The following FEZ2 variants were observed in gnomAD, a reference collection of about 807,000 sequenced individuals.
FEZ2 encodes fasciculation and elongation protein zeta 2.
A neutral mutation model predicts 40.4 loss-of-function variants in FEZ2; 51 were observed. The ratio of observed to expected loss-of-function variants is 1.26; its 90% CI spans 1.01 to 1.59. The LOEUF is 1.59. FEZ2 is among the 40% of genes most tolerant of loss of function. The pLI is 0.00. For synonymous variants in FEZ2, 242 were observed against 172.0 expected, an observed-to-expected ratio of 1.41 and a Z score of -3.18; for missense variants, 640 against 438.3, an observed-to-expected ratio of 1.46 and a Z score of -4.11.
At chr2:36,597,494 G>T (rs1669260725) in intron 1 of FEZ2, among the ~76,000 whole-genome samples, 1 of 152,248 alleles carries the variant, frequency 6.6e-6, no homozygotes, top group Non-Finnish European at 1.5e-5. Flanking sequence ...AGCAGCGCCT[G>T]GCACTCAGCA....
At chr2:36,571,440 C>T (rs756192046) in intron 5 of FEZ2, among the ~76,000 whole-genome samples, 1 of 151,962 alleles carries the variant, frequency 6.6e-6, no homozygotes, top group Non-Finnish European at 1.5e-5. Flanking sequence ...GTGGGCGGAT[C>T]GCTTGAGGCC....
chr2:36,583,328 G>C (rs1014983793), intron 3 of FEZ2, 25 bp downstream of exon 3: 3 of 1,210,144 alleles, frequency 2.5e-6, no homozygotes, highest in Non-Finnish European at 3.7e-6. Context: ...TCCTTTCCTT[G>C]CGTTGCTGAG....
intron 1 of FEZ2, chr2:36,591,363 T>C (rs1284921661): frequency 1.6e-5 from 3 of 189,934 alleles, no homozygotes; most frequent in East Asian, 1.5e-4. Flanking sequence ...GGAACCATTA[T>C]TAACCTCATT....
At chr2:36,568,508 G>C (rs1275898609) in intron 5 of FEZ2, among the ~76,000 whole-genome samples, 3 of 152,156 alleles carry the variant, frequency 2.0e-5, no homozygotes, top group Non-Finnish European at 4.4e-5. Context: ...AATTCAAAGT[G>C]AAGAACTGGT....
chr2:36,579,318 T>C (rs1022918408), intron 4 of FEZ2, among the ~76,000 whole-genome samples: 8 of 152,210 alleles, frequency 5.3e-5, no homozygotes, highest in Admixed American at 3.3e-4. Context: ...TTAAACTAAA[T>C]ATACACTTAA....
intron 5 of FEZ2, among the ~76,000 whole-genome samples, chr2:36,578,338 G>GC (rs1668634655): frequency 6.6e-6 from 1 of 151,576 alleles, no homozygotes. Flanking sequence ...CTCCTTTTTT[G>GC]CCCCCTCTTC....
At chr2:36,566,020 G>A (rs1482434839) in intron 5 of FEZ2, among the ~76,000 whole-genome samples, 1 of 152,176 alleles carries the variant, frequency 6.6e-6, no homozygotes, top group Non-Finnish European at 1.5e-5. Context: ...CAACCCATGG[G>A]CAGCACATTC....
chr2:36,560,945 G>T, intron 5 of FEZ2: 1 of 821,428 alleles, frequency 1.2e-6, no homozygotes. Flanking sequence ...GTACCATGAT[G>T]ACTTATGTGC....
At chr2:36,573,845 A>C (rs919778281) in intron 5 of FEZ2, among the ~76,000 whole-genome samples, 7 of 152,248 alleles carry the variant, frequency 4.6e-5, no homozygotes, top group Non-Finnish European at 7.3e-5. Flanking sequence ...AAAGCTCTTA[A>C]TATCTCCTGT....
chr2:36,591,959 C>A (rs1669086097), intron 1 of FEZ2, among the ~76,000 whole-genome samples: 1 of 152,112 alleles, frequency 6.6e-6, no homozygotes, highest in African/African-American at 2.4e-5. Flanking sequence ...GATAAGAACA[C>A]CAAACTCAAA....
At chr2:36,579,583 G>T (rs1445720069) in intron 4 of FEZ2, among the ~76,000 whole-genome samples, 1 of 151,984 alleles carries the variant, frequency 6.6e-6, no homozygotes, top group Non-Finnish European at 1.5e-5. Flanking sequence ...CCAGCCATGT[G>T]AAGATACCTG....
chr2:36,558,361 A>G, intron 6 of FEZ2, 77 bp downstream of exon 6: 1 of 848,274 alleles, frequency 1.2e-6, no homozygotes, highest in Non-Finnish European at 1.8e-6. Context: ...CTAACAACAA[A>G]ATCAGCCAAC....
chr2:36,559,624 G>T (rs1051083454), intron 5 of FEZ2, among the ~76,000 whole-genome samples: 4 of 152,096 alleles, frequency 2.6e-5, no homozygotes, highest in Admixed American at 6.6e-5. Flanking sequence ...TTGTATAATC[G>T]AATGTTTCTT....
chr2:36,564,549 A>G lies in FEZ2; in HGVS notation c.904-6036T>C, dbSNP rs558868558. On this transcript the variant is annotated intron_variant, in intron 5 of 7. Coordinates refer to ENST00000405912, the MANE Select transcript of FEZ2 (RefSeq NM_005102.3). ...AAAGCACAACACGTAAATGAAGCGA[A>G]TGCTGCAGATAACTAACACATGCCC... 2.6e-5 allele frequency among the ~76,000 whole-genome samples: 4 copies of G among 152,308 alleles called. No homozygotes were observed. The East Asian group carries it at 5.8e-4, about 22-fold the overall frequency.
chr2:36,581,676 A>G, intron 3 of FEZ2: 3 of 412,854 alleles, frequency 7.3e-6, no homozygotes, highest in South Asian at 3.4e-5. Flanking sequence ...TACGTCCATC[A>G]TGATTCAGAA....
intron 2 of FEZ2, among the ~76,000 whole-genome samples, chr2:36,588,202 A>G (rs753271369): frequency 1.3e-5 from 2 of 151,788 alleles, no homozygotes; most frequent in African/African-American, 2.4e-5. Context: ...CTAATTTTGT[A>G]TTTTTAGTAG....
chr2:36,586,243 C>A lies in FEZ2; in HGVS notation c.376-2774G>T, dbSNP rs549146692. Reference sequence around the variant, plus strand: ...ATCCTTACACTTCGAACACTTCACACCCCCTTCCCAATCACTCTTCCTATG... The same window carrying A: ...ATCCTTACACTTCGAACACTTCACAACCCCTTCCCAATCACTCTTCCTATG... On this transcript the variant is annotated intron_variant, in intron 2 of 7. Coordinates refer to ENST00000405912, the MANE Select transcript of FEZ2 (RefSeq NM_005102.3). 7.4e-4 allele frequency among the ~76,000 whole-genome samples: 113 copies of A among 152,280 alleles called. 1 individual carries two copies. The highest frequency in any genetic ancestry group is 6.1e-3 in the Admixed American group (94 of 15,304).
In FEZ2 at chr2:36,552,964, C is replaced by G. The variant is rs1667857237; in HGVS notation, c.*199G>C. 1.9e-6 allele frequency: 1 copy of G among 533,122 alleles called. No homozygotes were observed. The highest frequency in any genetic ancestry group is 2.8e-4 in the Middle Eastern group (1 of 3,620). The allele number at this position is 533,122 out of a possible 1,614,324, so 33.0% of individuals were successfully genotyped here. A position where few individuals can be genotyped will look rare whatever the true frequency, so the allele number is the denominator to read the frequency against. On this transcript the variant is annotated 3_prime_UTR_variant, in exon 8 of 8. Coordinates refer to ENST00000405912, the MANE Select transcript of FEZ2 (RefSeq NM_005102.3). ...TTAGTAGATTTAACAAAAACCATCT[C>G]TAGAATTCAAAATAGTGCCCATATT...
chr2:36,591,262 G>A (rs1669064369), intron 1 of FEZ2: 2 of 492,708 alleles, frequency 4.1e-6, no homozygotes, highest in Non-Finnish European at 3.7e-6. Flanking sequence ...TAGGCAGTAG[G>A]CAACACTTCC....
Sources: gnomAD v4.1 joint callset for allele counts (sites outside exome capture counted in the v4.1 genomes callset) on GRCh38, gnomAD v4.1.1 for gene constraint, MANE v1.5 for transcripts, NCBI Gene and HGNC (gene_info 2026-07-23, HGNC 2026-07-21) for gene names.